The following HIPK2 variants were observed in gnomAD, a reference collection of about 807,000 sequenced individuals.
HIPK2 encodes homeodomain-interacting protein kinase 2.
A neutral mutation model predicts 113.7 loss-of-function variants in HIPK2; 27 were observed. That is an observed-to-expected ratio of 0.24 (90% CI 0.17 to 0.33). The LOEUF is 0.33. HIPK2 is among the 10% of genes least tolerant of loss of function. The pLI, the probability that HIPK2 is intolerant of heterozygous loss-of-function variation, is 1.00. For synonymous variants in HIPK2, 631 were observed against 642.2 expected (o/e 0.98, Z 0.26); for missense variants, 1,257 against 1,588.0 (o/e 0.79, Z 3.54).
intron 2 of HIPK2, among the ~76,000 whole-genome samples, chr7:139,697,387 T>A (rs1484070112): frequency 1.3e-5 from 2 of 152,212 alleles, no homozygotes; most frequent in Non-Finnish European, 2.9e-5. Flanking sequence ...TAAATCATCT[T>A]CGCAAATCTG....
At chr7:139,748,443 C>T (rs575002469) in intron 1 of HIPK2, among the ~76,000 whole-genome samples, 8 of 152,000 alleles carry the variant, frequency 5.3e-5, no homozygotes, top group Non-Finnish European at 1.2e-4. Flanking sequence ...TTCAAGATCA[C>T]GGTGTCGACA....
chr7:139,706,329 G>A (rs938508838), intron 2 of HIPK2, among the ~76,000 whole-genome samples: 52 of 152,190 alleles, frequency 3.4e-4, no homozygotes, highest in African/African-American at 1.2e-3. Flanking sequence ...AGGGTTCAGA[G>A]ATGCTAGATG....
At chr7:139,767,269 G>C (rs58420647) in intron 1 of HIPK2, among the ~76,000 whole-genome samples, 1 of 152,334 alleles carries the variant, frequency 6.6e-6, no homozygotes, top group East Asian at 1.9e-4. Context: ...AAGCCCTCCA[G>C]AGAACTGAAG....
At position 139,563,769 on chromosome 7, in the gene HIPK2, A is replaced by C; in HGVS notation, c.*9158T>G. 1 of 398,556 alleles carries C rather than the reference A, an allele frequency of 2.5e-6. No individual in the cohort carries two copies. The highest frequency in any genetic ancestry group is 4.4e-6 in the Non-Finnish European group (1 of 226,052). The allele number at this position is 398,556 out of a possible 1,614,324, so 24.7% of individuals were successfully genotyped here. A position where few individuals can be genotyped will look rare whatever the true frequency, so the allele number is the denominator to read the frequency against. On this transcript the variant is annotated 3_prime_UTR_variant, in exon 15 of 15. Transcript: ENST00000406875. ...CTGTCAATACAGTTCACAGGGAAAA[A>C]GCAAATGTGGTATTTTTTTGTATTT...
At chr7:139,696,338 G>A (rs1449890146) in intron 2 of HIPK2, among the ~76,000 whole-genome samples, 3 of 152,070 alleles carry the variant, frequency 2.0e-5, no homozygotes, top group Non-Finnish European at 2.9e-5. Context: ...TTTGGGAGGT[G>A]GAGACAGGAG....
At position 139,716,996 on chromosome 7, in the gene HIPK2, T is replaced by C. The variant is rs1475042035; in HGVS notation, c.39A>G (p.Gln13=). 7 of 1,610,824 alleles carry C rather than the reference T, an allele frequency of 4.3e-6. No homozygotes were observed. In the East Asian group the frequency reaches 1.1e-4, roughly 26 times the overall value. Residue 13 remains glutamine (Q), a synonymous_variant, in exon 2 of 15, where the codon CAA becomes CAG. Coordinates refer to ENST00000406875, the MANE Select transcript of HIPK2 (RefSeq NM_022740.5). The surrounding 1 kb of genome is among the most constrained non-coding windows in gnomAD (Gnocchi z 9.3). The part of the protein sequence containing the change: ...PVYEGMASHV[Q]VFSPHTLQSS... ...ATTGAAGGGTGTGAGGGGAGAAAACTTGCACATGTGAGGCCATACCTACAA... is the reference window on the plus strand; with the variant it reads ...ATTGAAGGGTGTGAGGGGAGAAAACCTGCACATGTGAGGCCATACCTACAA...
At chr7:139,708,636 G>A (rs954769931) in intron 2 of HIPK2, among the ~76,000 whole-genome samples, 1 of 152,224 alleles carries the variant, frequency 6.6e-6, no homozygotes, top group Non-Finnish European at 1.5e-5. Context: ...TTTCCAGGGC[G>A]TGAACACTGC....
chr7:139,722,681 C>T (rs1360823034), intron 1 of HIPK2, among the ~76,000 whole-genome samples: 2 of 151,874 alleles, frequency 1.3e-5, no homozygotes, highest in African/African-American at 2.4e-5. Flanking sequence ...AAGCATACGT[C>T]CTACTGCCGG....
intron 2 of HIPK2, 39 bp downstream of exon 2, chr7:139,715,893 G>C: frequency 6.3e-7 from 1 of 1,588,950 alleles, no homozygotes; most frequent in Non-Finnish European, 8.6e-7. Context: ...AGTGCCACTG[G>C]GCATTCAGCA....
chr7:139,665,031 T>TTCTC (rs201864754), intron 2 of HIPK2, among the ~76,000 whole-genome samples: 5,868 of 118,262 alleles, frequency 0.05, 389 homozygotes, highest in African/African-American at 0.17. Context: ...CCCTTCTTCT[T>TTCTC]TCTCTCTCTT....
intron 1 of HIPK2, among the ~76,000 whole-genome samples, chr7:139,764,972 C>T (rs1796528783): frequency 6.6e-6 from 1 of 152,054 alleles, no homozygotes; most frequent in South Asian, 2.1e-4. Flanking sequence ...GCTGTCTCTA[C>T]TAAAAATACA....
intron 1 of HIPK2, among the ~76,000 whole-genome samples, chr7:139,762,339 A>G (rs1796478976): frequency 2.0e-5 from 3 of 152,364 alleles, no homozygotes; most frequent in East Asian, 3.9e-4. Context: ...AAACAAGAGC[A>G]AAGTCAATTT....
chr7:139,660,963 C>G (rs1474133534), intron 2 of HIPK2, among the ~76,000 whole-genome samples: 2 of 150,348 alleles, frequency 1.3e-5, no homozygotes, highest in African/African-American at 4.9e-5. Flanking sequence ...CACCCGTCTG[C>G]TCTTCCACAT....
Position 139,630,834 on chromosome 7 carries a change from G to A in HIPK2, c.1347+331C>T, listed in dbSNP as rs979203399. Among the ~76,000 whole-genome samples, 2 of 152,230 alleles carry A rather than the reference G, an allele frequency of 1.3e-5. No individual in the cohort carries two copies. The highest frequency in any genetic ancestry group is 2.4e-5 in the African/African-American group (1 of 41,454). The stretch of plus-strand genomic sequence containing the variant: ...CTTACTACAGTGGGCGGGAGCTTGT[G>A]GCACATGGTCCTGTCTCCCTCTGGA... On this transcript the variant is annotated intron_variant, in intron 4 of 14. Coordinates refer to ENST00000406875, the MANE Select transcript of HIPK2 (RefSeq NM_022740.5). This position sits in a 1 kb window ranked among gnomAD's most constrained non-coding sequence, Gnocchi z 4.0.
intron 2 of HIPK2, among the ~76,000 whole-genome samples, chr7:139,681,319 AG>A (rs959035238): frequency 2.6e-5 from 4 of 152,058 alleles, no homozygotes; most frequent in African/African-American, 9.7e-5. Flanking sequence ...GGCAGGAGAG[AG>A]GTGGGTGGGA....
At chr7:139,710,275 G>A (rs1795023051) in intron 2 of HIPK2, among the ~76,000 whole-genome samples, 1 of 152,134 alleles carries the variant, frequency 6.6e-6, no homozygotes, top group Non-Finnish European at 1.5e-5. Flanking sequence ...CCCGCCAGGT[G>A]TCACTGTCTA....
At position 139,645,458 on chromosome 7, in the gene HIPK2, T is replaced by C. The variant is rs928642640; in HGVS notation, c.1104-13733A>G. On this transcript the variant is annotated intron_variant, in intron 2 of 14. Transcript: ENST00000406875. ...ATTTCCATTGCAGCCTAAGGGATATTCCAATAAAACAGGTATCGTCTGAGG... is the reference window on the plus strand; with the variant it reads ...ATTTCCATTGCAGCCTAAGGGATATCCCAATAAAACAGGTATCGTCTGAGG... Among the ~76,000 whole-genome samples the C allele has an allele frequency of 3.3e-5, 5 of 152,200 alleles. No homozygotes were observed. In the East Asian group the frequency reaches 7.7e-4, roughly 23 times the overall value.
intron 7 of HIPK2, among the ~76,000 whole-genome samples, chr7:139,619,404 T>C (rs1800161501): frequency 6.6e-6 from 1 of 152,210 alleles, no homozygotes; most frequent in African/African-American, 2.4e-5. Context: ...TCTTAGACAC[T>C]AGAGGCAGTC....
chr7:139,662,047 C>T (rs907680324), intron 2 of HIPK2, among the ~76,000 whole-genome samples: 7 of 152,230 alleles, frequency 4.6e-5, no homozygotes, highest in African/African-American at 1.7e-4. Flanking sequence ...CTGACCTCTA[C>T]TGAGATCTTC....
Sources: gnomAD v4.1 joint callset for allele counts (sites outside exome capture counted in the v4.1 genomes callset) on GRCh38, gnomAD v4.1.1 for gene constraint, Gnocchi (gnomAD v3.1) non-coding constraint, MANE v1.5 for transcripts, NCBI Gene and HGNC (gene_info 2026-07-23, HGNC 2026-07-21) for gene names.